The following PHF10 variants were observed in gnomAD, a reference collection of about 807,000 sequenced individuals.
PHF10 encodes the protein BRG1-associated factor 45a.
A neutral mutation model predicts 68.5 loss-of-function variants in PHF10; 51 were observed. That is an observed-to-expected ratio of 0.74 (90% confidence interval 0.59 to 0.94). The LOEUF is 0.94. Among genes scored for constraint, PHF10 ranks in the 40% least tolerant of loss-of-function variants. The pLI, the probability that PHF10 is intolerant of heterozygous loss-of-function variation, is 0.00. For synonymous variants in PHF10, 204 were observed against 203.5 expected, an observed-to-expected ratio of 1.00 and a Z score of -0.02; for missense variants, 460 against 602.6, an observed-to-expected ratio of 0.76 and a Z score of 2.48.
At chr6:169,710,464 G>A in intron 8 of PHF10, 73 bp from the exon 9 acceptor site, 30 of 1,031,034 alleles carry the variant, frequency 2.9e-5, no homozygotes, top group East Asian at 1.7e-4. Flanking sequence ...TGAAAACTAT[G>A]GAAAATATTC....
chr6:169,718,495 C>A (rs1444420873), intron 3 of PHF10, among the ~76,000 whole-genome samples: 1 of 152,074 alleles, frequency 6.6e-6, no homozygotes, highest in Non-Finnish European at 1.5e-5. Flanking sequence ...GACTTCACAT[C>A]TCTAAAAAAA....
intron 3 of PHF10, among the ~76,000 whole-genome samples, 160 bp downstream of exon 3, chr6:169,718,628 A>G (rs1194736154): frequency 6.6e-6 from 1 of 152,248 alleles, no homozygotes; most frequent in Non-Finnish European, 1.5e-5. Flanking sequence ...TAATCGCACC[A>G]GTGCGCTCTA....
At chr6:169,717,550 GTA>G (rs911020520) in intron 4 of PHF10, among the ~76,000 whole-genome samples, 14 of 152,314 alleles carry the variant, frequency 9.2e-5, no homozygotes, top group Middle Eastern at 3.4e-3. Flanking sequence ...AATAATGGTT[GTA>G]TAGACACTTG....
At chr6:169,723,693 C>T (rs1300581197) in intron 1 of PHF10, among the ~76,000 whole-genome samples, 152 bp downstream of exon 1, 1 of 151,782 alleles carries the variant, frequency 6.6e-6, no homozygotes, top group Admixed American at 6.6e-5. Context: ...CTCGGGGCCC[C>T]GCCTCGCCGA....
rs531988295 is a variant in PHF10 at position 169,714,883 on chromosome 6, T to C, written c.694-41A>G. On this transcript the variant is annotated intron_variant, in intron 6 of 11. Coordinates refer to ENST00000339209, the MANE Select transcript of PHF10 (RefSeq NM_018288.4). ...GAGAAACACAAAACTGATTCCATGC[T>C]AAGAATCAAGGCTTTAGGAAGAGTC... 54 of 1,013,370 alleles carry C rather than the reference T, an allele frequency of 5.3e-5. 1 individual carries two copies. In the East Asian group the frequency reaches 1.3e-3, roughly 24 times the overall value. 62.8% of individuals were successfully genotyped at this position (1,013,370 alleles called of 1,614,324 possible).
chr6:169,715,621 A>G, intron 6 of PHF10, 87 bp downstream of exon 6: 1 of 1,168,696 alleles, frequency 8.6e-7, no homozygotes, highest in South Asian at 1.4e-5. Context: ...AGGTGGTACA[A>G]AAAATAACGA....
intron 11 of PHF10, chr6:169,704,789 A>G (rs1196407835): frequency 3.1e-5 from 6 of 192,022 alleles, no homozygotes; most frequent in Non-Finnish European, 7.0e-5. Context: ...ATTTCTATAG[A>G]AATGTATAAA....
In PHF10 at chr6:169,723,947, G is replaced by A. The variant is rs1191857597; in HGVS notation, c.-16C>T. The A allele has an allele frequency of 1.1e-6, 1 of 883,350 alleles. No individual in the cohort carries two copies. Among genetic ancestry groups the A allele is most frequent in the Non-Finnish European group, 1.4e-6 (1 of 737,326 alleles). 54.7% of individuals were successfully genotyped at this position (883,350 alleles called of 1,614,324 possible). On this transcript the variant is annotated 5_prime_UTR_variant, in exon 1 of 12. Coordinates refer to ENST00000339209, the MANE Select transcript of PHF10 (RefSeq NM_018288.4). ...CCGCCGCCATCAGCCCGAGCGCCCC[G>A]CGCCGCCGCCGCCGCCGTCGCCTCC...
At position 169,707,843 on chromosome 6, in the gene PHF10, G is replaced by A. The variant is rs999699116; in HGVS notation, c.1114-2119C>T. The A allele has an allele frequency of 3.9e-5, 6 of 152,318 alleles. No individual in the cohort carries two copies. In the East Asian group the frequency reaches 5.8e-4, roughly 15 times the overall value. The allele number at this position is 152,318 out of a possible 1,614,324, so 9.4% of individuals were successfully genotyped here. A position where few individuals can be genotyped will look rare whatever the true frequency, so the allele number is the denominator to read the frequency against. On this transcript the variant is annotated intron_variant, in intron 9 of 11. Transcript: ENST00000339209. The stretch of plus-strand genomic sequence containing the variant: ...ATGAAAAGAGGGAAACATGAGAGAA[G>A]GGGAAGAGAGACAGCTTTGTAGCAT...
At chr6:169,718,146 A>T (rs768988517) in intron 3 of PHF10, among the ~76,000 whole-genome samples, 18 of 152,208 alleles carry the variant, frequency 1.2e-4, no homozygotes, top group Non-Finnish European at 2.4e-4. Context: ...TAACTATACT[A>T]AACTAGTTCA....
intron 4 of PHF10, among the ~76,000 whole-genome samples, chr6:169,716,794 C>T (rs1789058516): frequency 6.6e-6 from 1 of 152,164 alleles, no homozygotes; most frequent in Non-Finnish European, 1.5e-5. Context: ...TCACAGCACA[C>T]TACAACCCCA....
chr6:169,710,006 T>G (rs976118014), intron 9 of PHF10: 1 of 322,112 alleles, frequency 3.1e-6, no homozygotes, highest in Non-Finnish European at 5.6e-6. Flanking sequence ...AAAAAAAGAC[T>G]TATAAATTGT....
chr6:169,714,259 T>C (rs1264763980), intron 7 of PHF10, among the ~76,000 whole-genome samples: 1 of 152,240 alleles, frequency 6.6e-6, no homozygotes, highest in Non-Finnish European at 1.5e-5. Context: ...CAGTTGCCCA[T>C]GCCTGCCCCT....
chr6:169,722,775 AG>A (rs1171770331), intron 1 of PHF10, among the ~76,000 whole-genome samples: 1 of 152,164 alleles, frequency 6.6e-6, no homozygotes, highest in Non-Finnish European at 1.5e-5. Context: ...TGCCTTCCAG[AG>A]TTACAGGTGG....
At chr6:169,705,005 G>T in intron 11 of PHF10, 128 bp downstream of exon 11, 1 of 601,474 alleles carries the variant, frequency 1.7e-6, no homozygotes, top group Non-Finnish European at 2.8e-6. Context: ...TATAATCACA[G>T]CTTTGGTCAT....
intron 7 of PHF10, among the ~76,000 whole-genome samples, chr6:169,713,474 C>A (rs573696329): frequency 6.6e-6 from 1 of 151,940 alleles, no homozygotes; most frequent in Non-Finnish European, 1.5e-5. Context: ...GTGGCGGGCA[C>A]CTGTAATCCC....
intron 9 of PHF10, chr6:169,708,915 C>T (rs1423226408): frequency 1.3e-5 from 2 of 152,092 alleles, no homozygotes; most frequent in Admixed American, 6.6e-5. Context: ...TTGGAGCTCA[C>T]TTGCTTTCAG....
At chr6:169,713,548 G>A (rs996908128) in intron 7 of PHF10, among the ~76,000 whole-genome samples, 26 of 148,816 alleles carry the variant, frequency 1.7e-4, no homozygotes, top group South Asian at 6.4e-4. Flanking sequence ...GCAGTGAGCC[G>A]AGATCGCGCC....
chr6:169,711,520 T>C (rs1196403986), intron 8 of PHF10, among the ~76,000 whole-genome samples: 1 of 152,208 alleles, frequency 6.6e-6, no homozygotes, highest in Non-Finnish European at 1.5e-5. Flanking sequence ...ACTGTCAAAA[T>C]GCTTTCCCAT....
Sources: allele counts gnomAD v4.1 joint callset (sites outside exome capture counted in the v4.1 genomes callset), GRCh38; gene constraint gnomAD v4.1.1; transcripts MANE v1.5; gene names NCBI Gene and HGNC (gene_info 2026-07-23, HGNC 2026-07-21).